The following SGMS2 variants were observed in gnomAD, a reference collection of about 807,000 sequenced individuals.
The protein encoded by SGMS2 is phosphatidylcholine:ceramide cholinephosphotransferase 2.
A neutral mutation model predicts 43.8 loss-of-function variants in SGMS2; 21 were observed. That is an observed-to-expected ratio of 0.48 (90% CI 0.34 to 0.69). The LOEUF (loss-of-function observed/expected upper bound fraction) is 0.69, where lower values mean the gene tolerates loss of function less well. SGMS2 is among the 30% of genes least tolerant of loss of function. The pLI is 0.01. For missense variants in SGMS2, 384 were observed against 443.2 expected, an observed-to-expected ratio of 0.87 and a Z score of 1.20; for synonymous variants, 167 against 160.6, an observed-to-expected ratio of 1.04 and a Z score of -0.30.
At chr4:107,856,470 A>G (rs1175345432) in intron 1 of SGMS2, among the ~76,000 whole-genome samples, 1 of 152,246 alleles carries the variant, frequency 6.6e-6, no homozygotes, top group Non-Finnish European at 1.5e-5. Context: ...TAAGCTGACC[A>G]TATTAGAAAT....
chr4:107,907,988 G>A (rs1459856963), intron 5 of SGMS2: 1 of 152,478 alleles, frequency 6.6e-6, no homozygotes, highest in African/African-American at 2.4e-5. Flanking sequence ...CCTTTACAGA[G>A]GGAATGTTTT....
At chr4:107,907,805 A>G (rs147732823) in intron 5 of SGMS2, 1 of 152,314 alleles carries the variant, frequency 6.6e-6, no homozygotes, top group Non-Finnish European at 1.5e-5. Context: ...GCTGCTAGAG[A>G]TGAACTCTGG....
At position 107,902,289 on chromosome 4, in the gene SGMS2, C is replaced by CAAAAAA. The variant is rs34388036; in HGVS notation, c.574-937_574-932dup. Among the ~76,000 whole-genome samples, 3 of 124,576 alleles carry CAAAAAA rather than the reference C, an allele frequency of 2.4e-5. 1 individual carries two copies. Among genetic ancestry groups the CAAAAAA allele is most frequent in the African/African-American group, 1.0e-4 (3 of 28,598 alleles). The allele number at this position is 124,576 out of a possible 152,430, so 81.7% of individuals were successfully genotyped here. On this transcript the variant is annotated intron_variant, in intron 4 of 6. Coordinates refer to ENST00000690982, the MANE Select transcript of SGMS2 (RefSeq NM_001375905.1). Reference sequence around the variant, plus strand: ...TGGGTGAAAGAGCAAGACCCTGTCTCAAAAAAAAAAAAGGTCTTTCTGTAT... The same window carrying CAAAAAA: ...TGGGTGAAAGAGCAAGACCCTGTCTCAAAAAAAAAAAAAAAAAAGGTCTTTCTGTAT...
intron 2 of SGMS2, among the ~76,000 whole-genome samples, chr4:107,894,642 G>T (rs1730511898): frequency 6.6e-6 from 1 of 152,172 alleles, no homozygotes; most frequent in Admixed American, 6.5e-5. Flanking sequence ...GAGAGACATA[G>T]CTAAGGCTTG....
At chr4:107,891,304 CAAT>C (rs1730198566) in intron 2 of SGMS2, among the ~76,000 whole-genome samples, 1 of 122,290 alleles carries the variant, frequency 8.2e-6, no homozygotes, top group African/African-American at 3.5e-5. Context: ...AAAAGAGAAA[CAAT>C]AAAAAAAAAC....
chr4:107,896,075 A>T, intron 3 of SGMS2, 67 bp downstream of exon 3: 3 of 1,424,262 alleles, frequency 2.1e-6, no homozygotes, highest in Non-Finnish European at 2.9e-6. Flanking sequence ...TGGGTTATTG[A>T]GATTATTTTT....
At chr4:107,830,113 A>T (rs1485347336) in intron 1 of SGMS2, among the ~76,000 whole-genome samples, 2 of 152,134 alleles carry the variant, frequency 1.3e-5, no homozygotes, top group Non-Finnish European at 2.9e-5. Flanking sequence ...TCCCACTTAT[A>T]AGTGAGAACA....
chr4:107,850,449 C>T (rs1335650743), intron 1 of SGMS2, among the ~76,000 whole-genome samples: 1 of 152,100 alleles, frequency 6.6e-6, no homozygotes, highest in African/African-American at 2.4e-5. Context: ...TTATTCTTTA[C>T]TTTTTCCTAT....
intron 2 of SGMS2, among the ~76,000 whole-genome samples, chr4:107,868,958 G>C (rs902683287): frequency 6.6e-6 from 1 of 152,090 alleles, no homozygotes; most frequent in Admixed American, 6.6e-5. Context: ...AGTCTGATTT[G>C]TACTTACAGA....
intron 5 of SGMS2, among the ~76,000 whole-genome samples, chr4:107,906,749 G>T (rs539368798): frequency 2.0e-5 from 3 of 152,210 alleles, no homozygotes; most frequent in South Asian, 2.1e-4. Flanking sequence ...GTTTCCAGCC[G>T]TTCCTAAAAC....
intron 1 of SGMS2, among the ~76,000 whole-genome samples, chr4:107,832,387 G>A (rs1450536753): frequency 5.9e-5 from 9 of 152,196 alleles, no homozygotes; most frequent in African/African-American, 2.2e-4. Flanking sequence ...TATTCACTAT[G>A]TGTCAGGGTT....
chr4:107,851,411 T>C lies in SGMS2; in HGVS notation c.-326-7061T>C, dbSNP rs528410308. ...GAAAATAAAAACTAGAGGACATGGA[T>C]TGCCAACCAGGTAGTCCAAGTAATT... On this transcript the variant is annotated intron_variant, in intron 1 of 6. Transcript: ENST00000690982. Among the ~76,000 whole-genome samples the C allele has an allele frequency of 5.3e-5, 8 of 152,268 alleles. No individual in the cohort carries two copies. In the South Asian group the frequency reaches 1.7e-3, roughly 32 times the overall value.
intron 2 of SGMS2, chr4:107,864,390 T>C (rs1727963666): frequency 6.6e-6 from 1 of 152,206 alleles, no homozygotes; most frequent in Non-Finnish European, 1.5e-5. Context: ...AGTCTCTCTC[T>C]CTGGTTCTGT....
chr4:107,904,683 A>G (rs749671130), intron 5 of SGMS2, among the ~76,000 whole-genome samples: 4 of 151,746 alleles, frequency 2.6e-5, no homozygotes, highest in Non-Finnish European at 5.9e-5. Context: ...CTGTTCTCAC[A>G]CTCTTGTGGT....
chr4:107,824,922 C>G (rs1725481061), upstream of SGMS2: 1 of 151,758 alleles, frequency 6.6e-6, no homozygotes, highest in Admixed American at 6.6e-5. Context: ...GGCGCGGGGC[C>G]GCGGTCAACA....
rs765308505 is a variant in SGMS2, at chr4:107,908,718, T to C, written c.881T>C (p.Met294Thr). The change falls in exon 6 of 7, where the codon ATG (methionine) becomes ACG (threonine). Residue 294 changes from methionine to threonine, a missense_variant. Transcript: ENST00000690982. ...CGACTGTTTTGGTGGTACCATTCAA[T>C]GGCCAATGAAAAGGTGAGAGCAGTG... ...TTRLFWWYHS[M>T]ANEKNLKVSS... The C allele has an allele frequency of 1.9e-6, 3 of 1,613,434 alleles. No homozygotes were observed. The highest frequency in any genetic ancestry group is 3.3e-5 in the Admixed American group (2 of 59,926).
intron 1 of SGMS2, among the ~76,000 whole-genome samples, chr4:107,831,124 G>A (rs1249787419): frequency 6.6e-6 from 1 of 152,166 alleles, no homozygotes; most frequent in Non-Finnish European, 1.5e-5. Flanking sequence ...AGAGCTGGTG[G>A]GAAGTAGAGC....
intron 4 of SGMS2, 108 bp from the exon 5 acceptor site, chr4:107,903,125 G>GAA: frequency 7.7e-6 from 8 of 1,042,514 alleles, no homozygotes; most frequent in South Asian, 2.9e-5. Context: ...AGGTTAAAAA[G>GAA]AAAAAAAAAA....
At chr4:107,839,827 G>A (rs1245511097) in intron 1 of SGMS2, among the ~76,000 whole-genome samples, 1 of 151,900 alleles carries the variant, frequency 6.6e-6, no homozygotes, top group Non-Finnish European at 1.5e-5. Context: ...TTTACTAGAG[G>A]GAGACACATT....
Sources: allele counts gnomAD v4.1 joint callset (sites outside exome capture counted in the v4.1 genomes callset), GRCh38; gene constraint gnomAD v4.1.1; transcripts MANE v1.5; gene names NCBI Gene and HGNC (gene_info 2026-07-23, HGNC 2026-07-21).